The following UCHL3 variants were observed in gnomAD, a reference collection of about 807,000 sequenced individuals.
UCHL3 encodes ubiquitin C-terminal hydrolase L3.
UCHL3 carries 22 observed loss-of-function variants against 35.8 expected under a neutral mutation model. That is an observed-to-expected ratio of 0.61 (90% confidence interval 0.44 to 0.88). The LOEUF (loss-of-function observed/expected upper bound fraction) is 0.88. Ranked by LOEUF, UCHL3 falls within the 40% of genes least tolerant of loss-of-function variation. UCHL3 has a pLI of 0.00. For synonymous variants in UCHL3, 90 were observed against 92.8 expected (o/e 0.97, Z 0.17); for missense variants, 229 against 276.9 (o/e 0.83, Z 1.23).
chr13:75,597,557 G>T (rs1271481287), intron 7 of UCHL3, among the ~76,000 whole-genome samples: 1 of 151,944 alleles, frequency 6.6e-6, no homozygotes, highest in Non-Finnish European at 1.5e-5. Flanking sequence ...TATTTACATA[G>T]CATTTATATT....
At chr13:75,564,978 G>T (rs1451087345) in intron 3 of UCHL3, among the ~76,000 whole-genome samples, 1 of 152,186 alleles carries the variant, frequency 6.6e-6, no homozygotes, top group African/African-American at 2.4e-5. Context: ...TTACAGGTGT[G>T]AGCTACTGCG....
chr13:75,570,435 C>T (rs368439502), intron 6 of UCHL3, among the ~76,000 whole-genome samples: 1 of 151,966 alleles, frequency 6.6e-6, no homozygotes, highest in East Asian at 1.9e-4. Context: ...ACGGGGTTTC[C>T]CCGTGTTAGC....
intron 6 of UCHL3, among the ~76,000 whole-genome samples, chr13:75,587,089 G>A (rs1244591449): frequency 6.7e-6 from 1 of 148,898 alleles, no homozygotes; most frequent in South Asian, 2.1e-4. Context: ...GGTAAAAGCA[G>A]AAGTCAATGA....
intron 2 of UCHL3, among the ~76,000 whole-genome samples, chr13:75,560,191 A>C (rs2031446052): frequency 6.6e-6 from 1 of 152,110 alleles, no homozygotes; most frequent in African/African-American, 2.4e-5. Flanking sequence ...TCTATCTTTA[A>C]ACCTCAGACA....
chr13:75,576,300 G>C (rs2032021253), intron 6 of UCHL3, among the ~76,000 whole-genome samples: 1 of 152,060 alleles, frequency 6.6e-6, no homozygotes, highest in Non-Finnish European at 1.5e-5. Context: ...CGCAATCTCT[G>C]CTCACTGCAA....
rs764553436 is a variant in UCHL3, at chr13:75,590,083, G to T, written c.475-4832G>T. 23 of 1,304,196 alleles carry T rather than the reference G, an allele frequency of 1.8e-5. No individual in the cohort carries two copies. In the South Asian group the frequency reaches 2.5e-4, roughly 14 times the overall value. The allele number at this position is 1,304,196 out of a possible 1,614,324, so 80.8% of individuals were successfully genotyped here. The stretch of plus-strand genomic sequence containing the variant: ...ACCAGTCCATCTCTCCGTCTTCGTC[G>T]CTGGCGACCCTTCTTACGTCTACCA... On this transcript the variant is annotated intron_variant, in intron 6 of 8. Transcript: ENST00000377595.
intron 6 of UCHL3, among the ~76,000 whole-genome samples, chr13:75,583,277 A>G (rs1029642514): frequency 2.0e-5 from 3 of 152,232 alleles, no homozygotes; most frequent in African/African-American, 7.2e-5. Flanking sequence ...GTAAAACATT[A>G]GTCACATACA....
intron 6 of UCHL3, among the ~76,000 whole-genome samples, chr13:75,572,109 C>G (rs2031881621): frequency 1.3e-5 from 2 of 151,564 alleles, no homozygotes; most frequent in Non-Finnish European, 2.9e-5. Context: ...TTCTTTTTAG[C>G]CATCCCTTAT....
intron 6 of UCHL3, among the ~76,000 whole-genome samples, chr13:75,591,743 G>A (rs1405381122): frequency 1.3e-5 from 2 of 152,082 alleles, no homozygotes; most frequent in African/African-American, 4.8e-5. Flanking sequence ...ATGCTTCTGT[G>A]CCTCAGTTTT....
Position 75,599,133 on chromosome 13 carries a change from TA to T in UCHL3, c.550+4144del, listed in dbSNP as rs1208079033. Among the ~76,000 whole-genome samples, 67 of 55,614 alleles carry T rather than the reference TA, an allele frequency of 1.2e-3. 2 individuals carry two copies. The South Asian group carries it at 0.065, about 54-fold the overall frequency. 36.5% of individuals were successfully genotyped at this position (55,614 alleles called of 152,430 possible). A position where few individuals can be genotyped will look rare whatever the true frequency, so the allele number is the denominator to read the frequency against. ...GTAGGCCTGTGCCACCATGCCTGGC[TA>T]TTTTTTTTTTTTTTTTTTGTAAATT... On this transcript the variant is annotated intron_variant, in intron 7 of 8. Transcript: ENST00000377595.
At chr13:75,577,661 C>T (rs2032065127) in intron 6 of UCHL3, among the ~76,000 whole-genome samples, 1 of 152,088 alleles carries the variant, frequency 6.6e-6, no homozygotes, top group Non-Finnish European at 1.5e-5. Context: ...TAGAAGATCT[C>T]CTTATTTTAA....
chr13:75,586,161 G>A (rs1444887142), intron 6 of UCHL3, among the ~76,000 whole-genome samples: 1 of 151,970 alleles, frequency 6.6e-6, no homozygotes, highest in African/African-American at 2.4e-5. Context: ...ACAATCAAAA[G>A]GATGGGAAAA....
chr13:75,600,377 G>A (rs1429780706), intron 7 of UCHL3, among the ~76,000 whole-genome samples: 1 of 152,192 alleles, frequency 6.6e-6, no homozygotes, highest in Non-Finnish European at 1.5e-5. Flanking sequence ...TGTAGCTAGA[G>A]AGGAGATGTC....
intron 7 of UCHL3, among the ~76,000 whole-genome samples, chr13:75,596,065 T>G (rs1445682343): frequency 6.6e-6 from 1 of 152,212 alleles, no homozygotes; most frequent in Non-Finnish European, 1.5e-5. Context: ...CCTTGTCACA[T>G]TAATTTTAAG....
chr13:75,587,035 A>G (rs2032343914), intron 6 of UCHL3, among the ~76,000 whole-genome samples: 2 of 150,898 alleles, frequency 1.3e-5, no homozygotes, highest in African/African-American at 2.4e-5. Flanking sequence ...AAAAAAAAAA[A>G]GAGCAAATTA....
At chr13:75,604,745 C>A (rs2032883606) in intron 7 of UCHL3, 24 bp from the exon 8 acceptor site, 2 of 1,581,908 alleles carry the variant, frequency 1.3e-6, no homozygotes, top group South Asian at 2.3e-5. Flanking sequence ...GCTAAGCATT[C>A]AATTGTTTGT....
At chr13:75,585,410 A>G (rs918640410) in intron 6 of UCHL3, among the ~76,000 whole-genome samples, 1 of 152,196 alleles carries the variant, frequency 6.6e-6, no homozygotes, top group African/African-American at 2.4e-5. Flanking sequence ...ATATTTTTAG[A>G]AAGCTGAGTT....
intron 6 of UCHL3, among the ~76,000 whole-genome samples, chr13:75,588,114 A>C (rs2032377592): frequency 6.6e-6 from 1 of 152,150 alleles, no homozygotes; most frequent in South Asian, 2.1e-4. Flanking sequence ...TGAAAGAATA[A>C]ACTCAAATTT....
At chr13:75,582,426 T>C (rs2032212978) in intron 6 of UCHL3, among the ~76,000 whole-genome samples, 1 of 152,214 alleles carries the variant, frequency 6.6e-6, no homozygotes, top group African/African-American at 2.4e-5. Flanking sequence ...CATTATACTG[T>C]TGCAGTGCCC....
Sources: allele counts gnomAD v4.1 joint callset (sites outside exome capture counted in the v4.1 genomes callset), GRCh38; gene constraint gnomAD v4.1.1; transcripts MANE v1.5; gene names NCBI Gene and HGNC (gene_info 2026-07-23, HGNC 2026-07-21).